KLF11: variants seen among roughly 807,000 people sequenced by gnomAD.
KLF11 encodes the protein Krueppel-like factor 11.
A neutral mutation model predicts 29.9 loss-of-function variants in KLF11; 26 were observed. That is an observed-to-expected ratio of 0.87 (90% CI 0.64 to 1.21). KLF11 has a LOEUF of 1.21. Among genes scored for constraint, KLF11 ranks in the 50% most tolerant of loss-of-function variants. The pLI is 0.00. For synonymous variants in KLF11, 318 were observed against 257.4 expected, an observed-to-expected ratio of 1.24 and a Z score of -2.25; for missense variants, 778 against 665.7, an observed-to-expected ratio of 1.17 and a Z score of -1.86.
At position 10,052,677 on chromosome 2, in the gene KLF11, G is replaced by C; in HGVS notation, c.*170G>C. The C allele has an allele frequency of 1.5e-6, 1 of 669,476 alleles. No homozygotes were observed. The highest frequency in any genetic ancestry group is 2.6e-6 in the Non-Finnish European group (1 of 390,320). 41.5% of individuals were successfully genotyped at this position (669,476 alleles called of 1,614,324 possible). ...TATGTTAACTTTTCTTTTCCACTTG[G>C]GACCCTGTTCAGTATCTTTTGTAGT... On this transcript the variant is annotated 3_prime_UTR_variant, in exon 4 of 4. Transcript: ENST00000305883.
chr2:10,045,742 A>C (rs1454234531), intron 1 of KLF11, among the ~76,000 whole-genome samples: 1 of 152,264 alleles, frequency 6.6e-6, no homozygotes, highest in Non-Finnish European at 1.5e-5. Context: ...AGCCATGGTC[A>C]GGGCGCCGCG....
At chr2:10,044,235 G>GC (rs1483517324) in intron 1 of KLF11, 1 of 963,790 alleles carries the variant, frequency 1.0e-6, no homozygotes, top group Non-Finnish European at 1.2e-6. Flanking sequence ...CTGGGGGCGG[G>GC]CAAGGTCTAG....
At position 10,052,892 on chromosome 2, in the gene KLF11, A is replaced by G. The variant is rs1037390467; in HGVS notation, c.*385A>G. ...TTTTTATACTGGTTTTTAGAAAAATATTTATATTGTTGGTGCTCAAATCAC... is the reference window on the plus strand; with the variant it reads ...TTTTTATACTGGTTTTTAGAAAAATGTTTATATTGTTGGTGCTCAAATCAC... On this transcript the variant is annotated 3_prime_UTR_variant, in exon 4 of 4. Transcript: ENST00000305883. 1 of 319,198 alleles carries G rather than the reference A, an allele frequency of 3.1e-6. No individual in the cohort carries two copies. The highest frequency in any genetic ancestry group is 5.7e-6 in the Non-Finnish European group (1 of 176,270). The allele number at this position is 319,198 out of a possible 1,614,324, so 19.8% of individuals were successfully genotyped here. A position where few individuals can be genotyped will look rare whatever the true frequency, so the allele number is the denominator to read the frequency against.
chr2:10,043,711 T>A lies in KLF11; in HGVS notation c.-6T>A, dbSNP rs895138120. ...GCCGCTTTGTTGCTCCCGGCCGGCC[T>A]GCACGATGCACACGCCGGACTTCGC... On this transcript the variant is annotated 5_prime_UTR_variant, in exon 1 of 4. Coordinates refer to ENST00000305883, the MANE Select transcript of KLF11 (RefSeq NM_003597.5). 1.5e-6 allele frequency: 2 copies of A among 1,348,066 alleles called. No homozygotes were observed. Among genetic ancestry groups the A allele is most frequent in the Admixed American group, 2.4e-5 (1 of 41,372 alleles). The allele number at this position is 1,348,066 out of a possible 1,614,324, so 83.5% of individuals were successfully genotyped here.
At chr2:10,048,929 TTA>T (rs987858450) in intron 3 of KLF11, among the ~76,000 whole-genome samples, 2 of 141,658 alleles carry the variant, frequency 1.4e-5, no homozygotes, top group African/African-American at 5.1e-5. Flanking sequence ...TTTTTTTTTT[TTA>T]AAGAAAACAT....
In KLF11 at chr2:10,047,755, CAGTCCTCTGCCG is replaced by C; in HGVS notation, c.419_430del (p.Gln140_Val144delinsLeu). On this transcript the variant is annotated inframe_deletion, in exon 3 of 4. Transcript: ENST00000305883. Reference sequence around the variant, plus strand: ...AGCATGTACAGCCACGGATGTTCTCCAGTCCTCTGCCGTAGTGGCCAGAGCTCTGAGCGGGGG... The same window carrying C: ...AGCATGTACAGCCACGGATGTTCTCCTAGTGGCCAGAGCTCTGAGCGGGGG... 6.2e-7 allele frequency: 1 copy of C among 1,613,784 alleles called. No homozygotes were observed. The highest frequency in any genetic ancestry group is 8.5e-7 in the Non-Finnish European group (1 of 1,180,006).
At chr2:10,051,549 C>G (rs536269684) in intron 3 of KLF11, among the ~76,000 whole-genome samples, 2 of 148,730 alleles carry the variant, frequency 1.3e-5, no homozygotes, top group South Asian at 2.1e-4. Flanking sequence ...GACGGAGTCT[C>G]CTGTGTCGCC....
In KLF11 at chr2:10,048,548, C is replaced by G. The variant is rs1279986116; in HGVS notation, c.1211C>G (p.Thr404Ser). 3 of 1,609,614 alleles carry G rather than the reference C, an allele frequency of 1.9e-6. No individual in the cohort carries two copies. Among genetic ancestry groups the G allele is most frequent in the South Asian group, 2.2e-5 (2 of 91,090 alleles). Reference sequence around the variant, plus strand: ...TGCAGCTTCCCAGGTTGCCGGAAGACCTACTTCAAAAGTTCCCACCTTAAG... The same window carrying G: ...TGCAGCTTCCCAGGTTGCCGGAAGAGCTACTTCAAAAGTTCCCACCTTAAG... The part of the protein sequence containing the change: ...YVCSFPGCRK[T>S]YFKSSHLKAH... The change falls in exon 3 of 4, where the codon ACC becomes AGC. Residue 404 changes from threonine (T) to serine (S), a missense_variant. Physicochemically the swap from Thr to Ser is moderately conservative, Grantham distance 58. Transcript: ENST00000305883.
At chr2:10,043,982 G>C in intron 1 of KLF11, 3 of 868,932 alleles carry the variant, frequency 3.5e-6, no homozygotes, top group Non-Finnish European at 4.2e-6. Context: ...TGTTCCCCGC[G>C]CAGCTTTGTC....
At position 10,047,985 on chromosome 2, in the gene KLF11, C is replaced by A. The variant is rs1371575726; in HGVS notation, c.648C>A (p.Asp216Glu). Reference sequence around the variant, plus strand: ...TGGGACACTTTGAAACTTTGCAGGACACACACCTCACGGACAGTTTACTCA... The same window carrying A: ...TGGGACACTTTGAAACTTTGCAGGAAACACACCTCACGGACAGTTTACTCA... ...QLLGHFETLQ[D>E]THLTDSLLST... Residue 216 changes from aspartate to glutamate, a missense_variant, in exon 3 of 4, where the codon GAC becomes GAA. Asp to Glu is a conservative substitution (Grantham distance 45). Coordinates refer to ENST00000305883, the MANE Select transcript of KLF11 (RefSeq NM_003597.5). The A allele has an allele frequency of 1.9e-6, 3 of 1,614,002 alleles. No homozygotes were observed. In the Admixed American group the frequency reaches 5.0e-5, roughly 27 times the overall value.
intron 1 of KLF11, 68 bp downstream of exon 1, chr2:10,043,826 G>A (rs1428784318): frequency 8.5e-6 from 11 of 1,300,144 alleles, no homozygotes; most frequent in East Asian, 4.6e-5. Context: ...GAAGTGGTGC[G>A]GCACTCGCGC....
intron 2 of KLF11, among the ~76,000 whole-genome samples, chr2:10,047,194 GT>G (rs1348237088): frequency 1.3e-5 from 2 of 152,094 alleles, no homozygotes; most frequent in Non-Finnish European, 2.9e-5. Flanking sequence ...CTTGCTTTTT[GT>G]TTTTTTAATT....
Position 10,048,587 on chromosome 2 carries a change from CT to C in KLF11, c.1251del (p.His418ThrfsTer52), listed in dbSNP as rs755521004. On this transcript the variant is annotated frameshift_variant, in exon 3 of 4. Coordinates refer to ENST00000305883, the MANE Select transcript of KLF11 (RefSeq NM_003597.5). LOFTEE classifies it high-confidence loss of function. ...KSSHLKAHLR[T>X]HTGEKPFNCS... is the part of the protein sequence containing the mutation. The stretch of plus-strand genomic sequence containing the variant: ...TCCCACCTTAAGGCCCATCTTCGCA[CT>C]CACACAGGTAAGCGCTGGGGCAGGT... The C allele has an allele frequency of 6.2e-7, 1 of 1,601,418 alleles. No individual in the cohort carries two copies. The highest frequency in any genetic ancestry group is 8.5e-7 in the Non-Finnish European group (1 of 1,179,100).
At chr2:10,051,312 G>T (rs1005739959) in intron 3 of KLF11, among the ~76,000 whole-genome samples, 1 of 151,868 alleles carries the variant, frequency 6.6e-6, no homozygotes, top group African/African-American at 2.4e-5. Flanking sequence ...AGGTTCAAGC[G>T]ATTGTCCTGC....
At chr2:10,044,475 T>G (rs934050664) in intron 1 of KLF11, 19 of 980,494 alleles carry the variant, frequency 1.9e-5, no homozygotes, top group Non-Finnish European at 2.2e-5. Context: ...GGCGCCCGGT[T>G]CTGTGACATC....
At chr2:10,045,097 G>A (rs1661148717) in intron 1 of KLF11, among the ~76,000 whole-genome samples, 1 of 151,970 alleles carries the variant, frequency 6.6e-6, no homozygotes, top group African/African-American at 2.4e-5. Context: ...GGTGAGCCGA[G>A]ATGGTGCCAC....
Position 10,053,740 on chromosome 2 carries a change from T to A in KLF11, c.*1233T>A, listed in dbSNP as rs1661479132. On this transcript the variant is annotated 3_prime_UTR_variant, in exon 4 of 4. Transcript: ENST00000305883. Reference sequence around the variant, plus strand: ...TACCTAGAAAATAGATGGACAATATTTTTCAACTGTATGAGCACGTAGATA... The same window carrying A: ...TACCTAGAAAATAGATGGACAATATATTTCAACTGTATGAGCACGTAGATA... 1 of 236,648 alleles carries A rather than the reference T, an allele frequency of 4.2e-6. No individual in the cohort carries two copies. The highest frequency in any genetic ancestry group is 5.7e-5 in the Admixed American group (1 of 17,688). 14.7% of individuals were successfully genotyped at this position (236,648 alleles called of 1,614,324 possible).
Position 10,053,707 on chromosome 2 carries a change from T to G in KLF11, c.*1200T>G. The G allele has an allele frequency of 3.3e-6, 1 of 305,536 alleles. No individual in the cohort carries two copies. The highest frequency in any genetic ancestry group is 6.0e-6 in the Non-Finnish European group (1 of 167,382). 18.9% of individuals were successfully genotyped at this position (305,536 alleles called of 1,614,324 possible). On this transcript the variant is annotated 3_prime_UTR_variant, in exon 4 of 4. Coordinates refer to ENST00000305883, the MANE Select transcript of KLF11 (RefSeq NM_003597.5). ...AGAAAATTACTTGGAATGGTGTGTT[T>G]TACAGTCTACCTAGAAAATAGATGG...
chr2:10,044,133 A>C (rs1220085301), intron 1 of KLF11: 7 of 134,288 alleles, frequency 5.2e-5, no homozygotes, highest in South Asian at 5.1e-4. Flanking sequence ...GGGCGGGGCA[A>C]GAGCTGCTGG....
Sources: allele counts gnomAD v4.1 joint callset (sites outside exome capture counted in the v4.1 genomes callset), GRCh38; gene constraint gnomAD v4.1.1; transcripts MANE v1.5; gene names NCBI Gene and HGNC (gene_info 2026-07-23, HGNC 2026-07-21).